POLD1: variants seen among roughly 807,000 people sequenced by gnomAD.
The protein encoded by POLD1 is DNA polymerase delta 1, catalytic subunit.
In POLD1, 79 loss-of-function variants were observed where a neutral mutation model predicts 129.7. That is an observed-to-expected ratio of 0.61 (90% CI 0.51 to 0.73). The LOEUF is 0.73. Among genes scored for constraint, POLD1 ranks in the 30% least tolerant of loss-of-function variants. The pLI is 0.00. For synonymous variants in POLD1, 714 were observed against 683.3 expected, an observed-to-expected ratio of 1.04 and a Z score of -0.70; for missense variants, 1,338 against 1,595.8, an observed-to-expected ratio of 0.84 and a Z score of 2.75.
rs1409026154 is a variant in POLD1, at chr19:50,406,979, C to T, written c.1495-4C>T. 1 of 1,588,880 alleles carries T rather than the reference C, an allele frequency of 6.3e-7. No individual in the cohort carries two copies. The highest frequency in any genetic ancestry group is 8.6e-7 in the Non-Finnish European group (1 of 1,166,400). On this transcript the variant is annotated splice_region_variant and splice_polypyrimidine_tract_variant and intron_variant, in intron 12 of 26. Coordinates refer to ENST00000440232, the MANE Select transcript of POLD1 (RefSeq NM_002691.4). The surrounding 1 kb of genome is among the most constrained non-coding windows in gnomAD (Gnocchi z 5.5). The stretch of plus-strand genomic sequence containing the variant: ...TCCCTGACCCCATCCGTGCCCATCC[C>T]CAGAATGGGAACGACCAGACCCGCC...
chr19:50,413,674 C>A (rs2039170686), intron 18 of POLD1, 68 bp from the exon 19 acceptor site: 1 of 1,550,968 alleles, frequency 6.4e-7, no homozygotes, highest in Non-Finnish European at 8.7e-7. Context: ...CCACCTGCCA[C>A]CCCCCGACAC....
intron 1 of POLD1, among the ~76,000 whole-genome samples, chr19:50,398,097 A>G (rs2038437496): frequency 6.6e-6 from 1 of 152,164 alleles, no homozygotes; most frequent in African/African-American, 2.4e-5. Context: ...CACACACGAC[A>G]CGCTGACCAC....
At chr19:50,400,987 C>T (rs1330290424) in intron 3 of POLD1, among the ~76,000 whole-genome samples, 3 of 151,776 alleles carry the variant, frequency 2.0e-5, no homozygotes, top group Non-Finnish European at 4.4e-5. Context: ...TGAGCCACCG[C>T]GCCCGGCCTG....
At chr19:50,413,386 G>A in intron 17 of POLD1, 40 bp from the exon 18 acceptor site, 1 of 1,559,858 alleles carries the variant, frequency 6.4e-7, no homozygotes, top group South Asian at 1.1e-5. Flanking sequence ...ACTGCACATG[G>A]CCCCCAGGGC....
At chr19:50,417,698 CTGAG>C in intron 26 of POLD1, 140 bp from the exon 27 acceptor site, 2 of 321,370 alleles carry the variant, frequency 6.2e-6, no homozygotes, top group Non-Finnish European at 6.1e-6. Flanking sequence ...CCCGTGCCTG[CTGAG>C]CAAACAGCCC....
intron 1 of POLD1, chr19:50,393,893 A>G (rs2038251600): frequency 6.6e-6 from 1 of 152,138 alleles, no homozygotes; most frequent in Non-Finnish European, 1.5e-5. Context: ...CCCCTCTCTA[A>G]TGCTGAGTGT....
rs773744167 is a variant in POLD1 at position 50,414,800 on chromosome 19, A to G, written c.2389-15A>G. 40 of 1,516,114 alleles carry G rather than the reference A, an allele frequency of 2.6e-5. No individual in the cohort carries two copies. Among genetic ancestry groups the G allele is most frequent in the South Asian group, 3.9e-5 (3 of 77,840 alleles). 93.9% of individuals were successfully genotyped at this position (1,516,114 alleles called of 1,614,324 possible). On this transcript the variant is annotated splice_polypyrimidine_tract_variant and intron_variant, in intron 19 of 26. Coordinates refer to ENST00000440232, the MANE Select transcript of POLD1 (RefSeq NM_002691.4). ...CCTCCTCAGGCTCAGGGTCTTGGCC[A>G]TGGCTCCCTCCCAGGTCTACTTCCC...
At chr19:50,395,391 T>G (rs1328203949) in intron 1 of POLD1, among the ~76,000 whole-genome samples, 1 of 151,756 alleles carries the variant, frequency 6.6e-6, no homozygotes, top group Non-Finnish European at 1.5e-5. Flanking sequence ...GTCAGGAGAT[T>G]GAGACCACAG....
chr19:50,411,491 C>G (rs888526611), intron 17 of POLD1, among the ~76,000 whole-genome samples: 4 of 144,974 alleles, frequency 2.8e-5, no homozygotes, highest in Admixed American at 2.2e-4. Context: ...GTCTCTTGAC[C>G]TCTTTCCTTA....
In POLD1 at chr19:50,390,729, C is replaced by T. The variant is rs2038128468; in HGVS notation, c.-2+6339C>T. Among the ~76,000 whole-genome samples, 5 of 152,066 alleles carry T rather than the reference C, an allele frequency of 3.3e-5. No individual in the cohort carries two copies. In the South Asian group the frequency reaches 6.2e-4, roughly 19 times the overall value. ...CTAGGCAGAGGGCCCTGCGGCCTTC[C>T]GCAGTGTTTGTGTCCCTGGGTACTT... On this transcript the variant is annotated intron_variant, in intron 1 of 26. Transcript: ENST00000440232.
rs1555789809 is a variant in POLD1, at chr19:50,401,915, G to C, written c.454G>C (p.Ala152Pro). ...CTTCGCTCCCTACTTCTACACCCCA[G>C]CGCCCCCTGGTGAGTGGCCCCTACC... The part of the protein sequence containing the change: ...HGFAPYFYTP[A>P]PPGFGPEHMG... Residue 152 changes from alanine to proline, a missense_variant, in exon 4 of 27, where the codon GCG (alanine) becomes CCG (proline). This residue lies in a region of POLD1 where 332 missense variants were observed against 315.7 expected (regional missense o/e 1.05). Coordinates refer to ENST00000440232, the MANE Select transcript of POLD1 (RefSeq NM_002691.4). 6.2e-7 allele frequency: 1 copy of C among 1,614,044 alleles called. No individual in the cohort carries two copies. Among genetic ancestry groups the C allele is most frequent in the Admixed American group, 1.7e-5 (1 of 60,018 alleles).
intron 1 of POLD1, among the ~76,000 whole-genome samples, chr19:50,395,747 CATT>C (rs1320453940): frequency 2.0e-5 from 3 of 152,116 alleles, no homozygotes; most frequent in Non-Finnish European, 4.4e-5. Flanking sequence ...ACCTTGCAGA[CATT>C]ATGGCCGTTT....
Position 50,402,212 on chromosome 19 carries a change from T to C in POLD1, c.597T>C (p.Phe199=), listed in dbSNP as rs878854554. ...AGCTTCTTCCATCCACAGGCATGTTTGGGTACCACGGGCACGGCCCCTCCC... is the reference window on the plus strand; with the variant it reads ...AGCTTCTTCCATCCACAGGCATGTTCGGGTACCACGGGCACGGCCCCTCCC... ...AVELCSRESM[F]GYHGHGPSPF... The change falls in exon 6 of 27, where the codon TTT becomes TTC. Residue 199 remains phenylalanine (F), a synonymous_variant. Coordinates refer to ENST00000440232, the MANE Select transcript of POLD1 (RefSeq NM_002691.4). 5.0e-6 allele frequency: 8 copies of C among 1,584,952 alleles called. No individual in the cohort carries two copies. The African/African-American group carries it at 1.1e-4, about 21-fold the overall frequency.
chr19:50,412,392 A>G (rs577361328), intron 17 of POLD1, among the ~76,000 whole-genome samples: 5 of 151,960 alleles, frequency 3.3e-5, no homozygotes, highest in African/African-American at 1.2e-4. Context: ...ACCTCAGGTG[A>G]TCCACCTGCC....
intron 26 of POLD1, 36 bp from the exon 27 acceptor site, chr19:50,417,806 G>T: frequency 7.2e-7 from 1 of 1,380,106 alleles, no homozygotes; most frequent in Non-Finnish European, 1.0e-6. Flanking sequence ...ACTGGGCCTT[G>T]GCTGGTCCTG....
At chr19:50,401,027 C>T (rs576308346) in intron 3 of POLD1, among the ~76,000 whole-genome samples, 42 of 151,488 alleles carry the variant, frequency 2.8e-4, no homozygotes, top group South Asian at 6.3e-4. Flanking sequence ...CTTTTGGGCC[C>T]GGCATGGTGG....
chr19:50,399,346 C>G (rs1161820672), intron 2 of POLD1, 25 bp from the exon 3 acceptor site: 2 of 1,562,362 alleles, frequency 1.3e-6, no homozygotes, highest in Admixed American at 1.7e-5. Flanking sequence ...TCCATGTACT[C>G]CACTTCCTTC....
At chr19:50,386,627 C>T (rs929575769) in intron 1 of POLD1, among the ~76,000 whole-genome samples, 3 of 152,226 alleles carry the variant, frequency 2.0e-5, no homozygotes, top group African/African-American at 7.2e-5. Flanking sequence ...CTTGGAGGAG[C>T]TAAGCCTGAG....
At chr19:50,405,240 C>T (rs1323961089) in intron 10 of POLD1, among the ~76,000 whole-genome samples, 2 of 152,158 alleles carry the variant, frequency 1.3e-5, no homozygotes, top group Non-Finnish European at 2.9e-5. Flanking sequence ...GTGACACCGT[C>T]GTGAGGTGAG....
Sources: gnomAD v4.1 joint callset for allele counts (sites outside exome capture counted in the v4.1 genomes callset) on GRCh38, gnomAD v4.1.1 for gene constraint, gnomAD v4.1.1 regional missense constraint, Gnocchi (gnomAD v3.1) non-coding constraint, MANE v1.5 for transcripts, NCBI Gene and HGNC (gene_info 2026-07-23, HGNC 2026-07-21) for gene names.